Variants in MIS18A observed in about 807,000 individuals in gnomAD.
MIS18A encodes the protein MIS18 kinetochore protein A.
MIS18A carries 14 observed loss-of-function variants against 25.0 expected under a neutral mutation model. The ratio of observed to expected loss-of-function variants is 0.56; its 90% CI spans 0.37 to 0.88. MIS18A has a LOEUF of 0.88. Among genes scored for constraint, MIS18A ranks in the 40% least tolerant of loss-of-function variants. MIS18A has a pLI of 0.00. For synonymous variants in MIS18A, 134 were observed against 118.6 expected, an observed-to-expected ratio of 1.13 and a Z score of -0.84; for missense variants, 292 against 290.8, an observed-to-expected ratio of 1.00 and a Z score of -0.03.
At chr21:32,247,543 T>TA in the MIS18A span, among the ~76,000 whole-genome samples, 1 of 152,142 alleles carries the variant, frequency 6.6e-6, no homozygotes, top group Non-Finnish European at 1.5e-5. Flanking sequence ...ATTCATATGT[T>TA]AAAGTCCTAA....
At chr21:32,271,358 T>C (rs992808119) in intron 2 of MIS18A, among the ~76,000 whole-genome samples, 8 of 152,238 alleles carry the variant, frequency 5.3e-5, no homozygotes, top group African/African-American at 1.4e-4. Context: ...ACTCAGTATG[T>C]GAAACACTTG....
chr21:32,277,679 A>G (rs370143547), intron 1 of MIS18A, among the ~76,000 whole-genome samples: 37 of 152,196 alleles, frequency 2.4e-4, no homozygotes, highest in African/African-American at 8.4e-4. Flanking sequence ...ATGGGGTTTC[A>G]TTCACCATGT....
At chr21:32,211,333 C>G in the MIS18A span, among the ~76,000 whole-genome samples, 5 of 152,328 alleles carry the variant, frequency 3.3e-5, no homozygotes, top group African/African-American at 1.2e-4. Flanking sequence ...GAGCCATCAT[C>G]CCTGACTGGG....
intron 1 of MIS18A, among the ~76,000 whole-genome samples, chr21:32,277,378 A>G (rs932380584): frequency 6.6e-6 from 1 of 152,270 alleles, no homozygotes; most frequent in African/African-American, 2.4e-5. Flanking sequence ...CAAACACGTT[A>G]TTCCTTAAAA....
chr21:32,189,201 G>A, the MIS18A span, among the ~76,000 whole-genome samples: 9 of 152,192 alleles, frequency 5.9e-5, no homozygotes, highest in East Asian at 1.9e-4. Context: ...GGCCCTTCAC[G>A]ATGTGGTCCT....
the MIS18A span, among the ~76,000 whole-genome samples, chr21:32,192,884 G>C: frequency 6.6e-6 from 1 of 152,188 alleles, no homozygotes; most frequent in African/African-American, 2.4e-5. Flanking sequence ...GGAGCTATAA[G>C]ATGTCACTAA....
Position 32,270,323 on chromosome 21 carries a change from C to T in MIS18A, c.524+84G>A, listed in dbSNP as rs556693742. On this transcript the variant is annotated intron_variant, in intron 3 of 4. Transcript: ENST00000290130. ...TTACTTGAAAATATATTTAACCAAA[C>T]AGTATTGATTTAGTTCTGACAATTC... 9.9e-6 allele frequency: 14 copies of T among 1,411,558 alleles called. No individual in the cohort carries two copies. In the East Asian group the frequency reaches 3.3e-4, roughly 33 times the overall value. 87.4% of individuals were successfully genotyped at this position (1,411,558 alleles called of 1,614,324 possible).
the MIS18A span, among the ~76,000 whole-genome samples, chr21:32,196,099 AT>A: frequency 6.6e-6 from 1 of 152,012 alleles, no homozygotes. Flanking sequence ...GTGTCCAGAT[AT>A]TTGGTAAAAC....
At chr21:32,163,792 G>A in the MIS18A span, among the ~76,000 whole-genome samples, 2 of 152,178 alleles carry the variant, frequency 1.3e-5, no homozygotes, top group African/African-American at 4.8e-5. Flanking sequence ...GAGGTCTAAA[G>A]GAGGCAGTTT....
the MIS18A span, among the ~76,000 whole-genome samples, chr21:32,233,718 G>A: frequency 6.6e-6 from 1 of 152,122 alleles, no homozygotes; most frequent in East Asian, 1.9e-4. Context: ...TCATTACCAA[G>A]GTTGTAGGCA....
the MIS18A span, among the ~76,000 whole-genome samples, chr21:32,234,366 C>A: frequency 6.6e-6 from 1 of 152,132 alleles, no homozygotes; most frequent in Non-Finnish European, 1.5e-5. Context: ...CCATGAGCTC[C>A]CTCAATGTGC....
At chr21:32,174,022 T>G in the MIS18A span, among the ~76,000 whole-genome samples, 1 of 138,050 alleles carries the variant, frequency 7.2e-6, no homozygotes, top group African/African-American at 2.8e-5. Context: ...TGGAGTGCGG[T>G]GGCACGATCT....
At chr21:32,235,423 C>T in the MIS18A span, among the ~76,000 whole-genome samples, 2 of 152,166 alleles carry the variant, frequency 1.3e-5, no homozygotes, top group African/African-American at 4.8e-5. Context: ...TATCTGGTTG[C>T]CCTCACTCCC....
At chr21:32,261,438 C>T in the MIS18A span, 1 of 152,174 alleles carries the variant, frequency 6.6e-6, no homozygotes, top group Non-Finnish European at 1.5e-5. Flanking sequence ...CACGGGAGGG[C>T]TCTTTGTCAC....
chr21:32,178,437 G>A, the MIS18A span, among the ~76,000 whole-genome samples: 2 of 151,652 alleles, frequency 1.3e-5, no homozygotes, highest in Admixed American at 1.3e-4. Context: ...ACTTTCTTCT[G>A]GATTCATTTC....
rs779996860 is a variant in MIS18A at position 32,270,480 on chromosome 21, C to T, written c.451G>A (p.Val151Met). 1.3e-5 allele frequency: 21 copies of T among 1,609,342 alleles called. No homozygotes were observed. Among genetic ancestry groups the T allele is most frequent in the Admixed American group, 1.2e-4 (7 of 58,962 alleles). The change falls in exon 3 of 5, where the codon GTG (valine) becomes ATG (methionine). Residue 151 changes from valine (V) to methionine (M), a missense_variant. By Grantham distance (21) the Val-to-Met change is conservative. Coordinates refer to ENST00000290130, the MANE Select transcript of MIS18A (RefSeq NM_018944.3). ...CAGCSLNLGY[V>M]YRCTPKNLDY... The stretch of plus-strand genomic sequence containing the variant: ...AGATTCTTGGGCGTGCATCTGTACA[C>T]GTAGCCAAGATTGAGTGAGCACCCC...
chr21:32,209,096 T>C, the MIS18A span, among the ~76,000 whole-genome samples: 1 of 152,134 alleles, frequency 6.6e-6, no homozygotes, highest in East Asian at 1.9e-4. Flanking sequence ...TCATTTGTTA[T>C]GGTGTGGCTT....
At chr21:32,171,393 T>A in the MIS18A span, among the ~76,000 whole-genome samples, 3 of 152,016 alleles carry the variant, frequency 2.0e-5, no homozygotes. Flanking sequence ...ATTCTATCTA[T>A]AATAGCACCA....
chr21:32,236,835 A>C, the MIS18A span, among the ~76,000 whole-genome samples: 1 of 152,154 alleles, frequency 6.6e-6, no homozygotes, highest in African/African-American at 2.4e-5. Context: ...TCCAGCTACC[A>C]ATGGACTGTT....
Sources: gnomAD v4.1 joint callset for allele counts (sites outside exome capture counted in the v4.1 genomes callset) on GRCh38, gnomAD v4.1.1 for gene constraint, MANE v1.5 for transcripts, NCBI Gene and HGNC (gene_info 2026-07-23, HGNC 2026-07-21) for gene names.